Variants in SLC25A26 observed in about 807,000 individuals in gnomAD.
SLC25A26 encodes the protein solute carrier family 25 member 26, also known as mitochondrial S-adenosylmethionine carrier protein.
In SLC25A26, 36 loss-of-function variants were observed where a neutral mutation model predicts 37.8. That is an observed-to-expected ratio of 0.95 (90% CI 0.73 to 1.26). SLC25A26 has a LOEUF of 1.26. Among genes scored for constraint, SLC25A26 ranks in the 50% most tolerant of loss-of-function variants. SLC25A26 has a pLI of 0.00. For missense variants in SLC25A26, 390 were observed against 331.1 expected (o/e 1.18, Z -1.38); for synonymous variants, 129 against 122.5 (o/e 1.05, Z -0.35).
Position 66,320,542 on chromosome 3 carries a change from A to G in SLC25A26, c.454-25822A>G, listed in dbSNP as rs562806791. Among the ~76,000 whole-genome samples the G allele has an allele frequency of 2.6e-5, 4 of 152,340 alleles. No individual in the cohort carries two copies. In the South Asian group the frequency reaches 6.2e-4, roughly 24 times the overall value. On this transcript the variant is annotated intron_variant, in intron 5 of 9. Coordinates refer to ENST00000354883, the MANE Select transcript of SLC25A26 (RefSeq NM_001379210.1). The stretch of plus-strand genomic sequence containing the variant: ...GGCTATTGTGAATAAGGCTGCTGTG[A>G]ACAATGGTATGCAAGGTTCTGTCTG...
At chr3:66,222,954 A>G (rs572898577) in intron 1 of SLC25A26, among the ~76,000 whole-genome samples, 1 of 152,320 alleles carries the variant, frequency 6.6e-6, no homozygotes, top group Non-Finnish European at 1.5e-5. Context: ...TGGAAGTTTC[A>G]AGAAACTAGA....
intron 5 of SLC25A26, among the ~76,000 whole-genome samples, chr3:66,274,224 C>T (rs1319167602): frequency 7.9e-5 from 12 of 152,108 alleles, no homozygotes; most frequent in Non-Finnish European, 1.8e-4. Flanking sequence ...TGGATCCCTT[C>T]CTTACACCTT....
intron 3 of SLC25A26, among the ~76,000 whole-genome samples, chr3:66,245,980 C>G (rs1448004841): frequency 6.6e-6 from 1 of 152,212 alleles, no homozygotes; most frequent in Non-Finnish European, 1.5e-5. Flanking sequence ...CACCCCAACC[C>G]TCCCCACTCC....
At chr3:66,224,057 C>A (rs1553659613) in intron 1 of SLC25A26, among the ~76,000 whole-genome samples, 1 of 152,108 alleles carries the variant, frequency 6.6e-6, no homozygotes, top group African/African-American at 2.4e-5. Flanking sequence ...AGAGAATGTA[C>A]TATAATTACA....
Position 66,287,082 on chromosome 3 carries a change from G to A in SLC25A26, c.453+23703G>A, listed in dbSNP as rs377642538. Among the ~76,000 whole-genome samples the A allele has an allele frequency of 5.3e-5, 8 of 152,294 alleles. No individual in the cohort carries two copies. In the East Asian group the frequency reaches 1.5e-3, roughly 29 times the overall value. On this transcript the variant is annotated intron_variant, in intron 5 of 9. Coordinates refer to ENST00000354883, the MANE Select transcript of SLC25A26 (RefSeq NM_001379210.1). ...GAGGCTGAGGTGGGCAGATCACGAG[G>A]TCAGGAGATTGAGACCATCCTGGCT...
intron 6 of SLC25A26, among the ~76,000 whole-genome samples, chr3:66,357,823 A>C (rs1490561700): frequency 2.0e-5 from 3 of 152,208 alleles, no homozygotes; most frequent in African/African-American, 4.8e-5. Context: ...GTTGAGCTGT[A>C]TATGATAGTG....
chr3:66,171,568 C>A (rs1446635309), intron 1 of SLC25A26, among the ~76,000 whole-genome samples: 1 of 152,106 alleles, frequency 6.6e-6, no homozygotes, highest in Non-Finnish European at 1.5e-5. Context: ...TTGCTCACTG[C>A]AACCTCGGCC....
At chr3:66,281,691 C>CT (rs981404086) in intron 5 of SLC25A26, among the ~76,000 whole-genome samples, 1 of 151,812 alleles carries the variant, frequency 6.6e-6, no homozygotes, top group African/African-American at 2.4e-5. Flanking sequence ...GTCATGGATT[C>CT]TTTTTTTGTT....
At chr3:66,175,422 G>A (rs953033097) in intron 1 of SLC25A26, among the ~76,000 whole-genome samples, 1 of 151,728 alleles carries the variant, frequency 6.6e-6, no homozygotes, top group South Asian at 2.1e-4. Context: ...ACACAGTTTC[G>A]CCATGTTGCC....
chr3:66,160,925 ACT>A (rs2070349888), intron 1 of SLC25A26, among the ~76,000 whole-genome samples: 1 of 151,678 alleles, frequency 6.6e-6, no homozygotes, highest in Non-Finnish European at 1.5e-5. Context: ...ACAGAGCAAG[ACT>A]CTGTCTCAAA....
At chr3:66,183,485 T>A (rs919399953) in intron 1 of SLC25A26, among the ~76,000 whole-genome samples, 1 of 151,974 alleles carries the variant, frequency 6.6e-6, no homozygotes, top group African/African-American at 2.4e-5. Flanking sequence ...TCACGCTGAC[T>A]CTGACCCTCA....
intron 5 of SLC25A26, among the ~76,000 whole-genome samples, chr3:66,306,956 G>A (rs897752343): frequency 6.6e-6 from 1 of 151,892 alleles, no homozygotes; most frequent in Non-Finnish European, 1.5e-5. Context: ...AAATAGTGCT[G>A]CAGTAAACAT....
At chr3:66,200,881 C>A (rs2071099745) in intron 1 of SLC25A26, among the ~76,000 whole-genome samples, 1 of 152,176 alleles carries the variant, frequency 6.6e-6, no homozygotes, top group Admixed American at 6.5e-5. Flanking sequence ...ACTAAACAAG[C>A]AACTGACTAA....
At chr3:66,152,045 A>G (rs1225139398) in intron 1 of SLC25A26, among the ~76,000 whole-genome samples, 1 of 152,224 alleles carries the variant, frequency 6.6e-6, no homozygotes, top group Non-Finnish European at 1.5e-5. Flanking sequence ...GGAAGCCAAT[A>G]ACGATGTCCA....
chr3:66,333,635 C>T (rs1011126514), intron 5 of SLC25A26, among the ~76,000 whole-genome samples: 1 of 152,036 alleles, frequency 6.6e-6, no homozygotes, highest in Non-Finnish European at 1.5e-5. Flanking sequence ...GTTGTGTTTT[C>T]TTGGTCAGCT....
intron 5 of SLC25A26, among the ~76,000 whole-genome samples, chr3:66,287,819 T>G (rs1383939211): frequency 3.9e-5 from 6 of 152,218 alleles, no homozygotes; most frequent in Admixed American, 3.9e-4. Context: ...TATTTGCTTC[T>G]TATTGTAGCA....
chr3:66,334,741 C>G (rs185589041), intron 5 of SLC25A26, among the ~76,000 whole-genome samples: 17 of 152,056 alleles, frequency 1.1e-4, no homozygotes, highest in African/African-American at 3.6e-4. Flanking sequence ...TAAGAAGACC[C>G]TCAGGGCAAA....
At chr3:66,164,497 A>G (rs1559556775) in intron 1 of SLC25A26, among the ~76,000 whole-genome samples, 1 of 152,096 alleles carries the variant, frequency 6.6e-6, no homozygotes, top group Non-Finnish European at 1.5e-5. Context: ...CCAATGCCCA[A>G]TAGGCTTTCT....
At chr3:66,282,230 C>G (rs986773102) in intron 5 of SLC25A26, among the ~76,000 whole-genome samples, 3 of 151,922 alleles carry the variant, frequency 2.0e-5, no homozygotes, top group African/African-American at 7.3e-5. Context: ...CCAGGATGGT[C>G]TCGATCTCCT....
Sources: allele counts gnomAD v4.1 joint callset (sites outside exome capture counted in the v4.1 genomes callset), GRCh38; gene constraint gnomAD v4.1.1; transcripts MANE v1.5; gene names NCBI Gene and HGNC (gene_info 2026-07-23, HGNC 2026-07-21).